Variants in ARSG observed in about 807,000 individuals in gnomAD.
The protein encoded by ARSG is ASG.
In ARSG, 37 loss-of-function variants were observed where a neutral mutation model predicts 50.5. The ratio of observed to expected loss-of-function variants is 0.73; its 90% confidence interval spans 0.56 to 0.96. ARSG has a LOEUF of 0.96. ARSG is among the 50% of genes least tolerant of loss of function. The pLI is 0.00. For missense variants in ARSG, 629 were observed against 675.3 expected (o/e 0.93, Z 0.76); for synonymous variants, 225 against 254.6 (o/e 0.88, Z 1.11).
At chr17:68,305,799 T>C (rs1451012604) in intron 1 of ARSG, among the ~76,000 whole-genome samples, 2 of 151,930 alleles carry the variant, frequency 1.3e-5, no homozygotes, top group Admixed American at 6.6e-5. Context: ...TGGGCCTGGG[T>C]GTGGTGGCTC....
intron 11 of ARSG, chr17:68,414,171 T>C (rs969538240): frequency 6.6e-6 from 1 of 152,418 alleles, no homozygotes. Context: ...AGATGGCTTT[T>C]ATTACATTGA....
At chr17:68,310,150 G>A (rs148364652) in intron 2 of ARSG, among the ~76,000 whole-genome samples, 60 of 152,012 alleles carry the variant, frequency 3.9e-4, no homozygotes, top group Admixed American at 2.7e-3. Context: ...CCCAGAGATC[G>A]GGTTTCTCCA....
chr17:68,395,055 G>A lies in ARSG; in HGVS notation c.1092-18G>A, dbSNP rs750269249. 11 of 1,613,290 alleles carry A rather than the reference G, an allele frequency of 6.8e-6. No homozygotes were observed. In the Admixed American group the frequency reaches 1.3e-4, roughly 20 times the overall value. On this transcript the variant is annotated intron_variant, in intron 9 of 11. Coordinates refer to ENST00000621439, the MANE Select transcript of ARSG (RefSeq NM_001267727.2). ...AGTCAGAAGAGCTGGGGACAACTCA[G>A]TCTTGTTATTTCCGCAGCGTGCTGG...
At chr17:68,328,000 C>A (rs1426007978) in intron 2 of ARSG, among the ~76,000 whole-genome samples, 1 of 152,084 alleles carries the variant, frequency 6.6e-6, no homozygotes, top group Non-Finnish European at 1.5e-5. Flanking sequence ...GCCTCAGTGC[C>A]ACTGCTTGAC....
chr17:68,288,838 C>G (rs1568421273), upstream of ARSG, among the ~76,000 whole-genome samples: 1 of 152,146 alleles, frequency 6.6e-6, no homozygotes, highest in Non-Finnish European at 1.5e-5. Flanking sequence ...CCACAGAATC[C>G]TGAACTTCTA....
chr17:68,398,995 TAAC>T (rs368078743), intron 10 of ARSG, among the ~76,000 whole-genome samples: 1 of 152,118 alleles, frequency 6.6e-6, no homozygotes, highest in African/African-American at 2.4e-5. Context: ...CTGAAGGTGG[TAAC>T]ATCATCACTG....
At chr17:68,308,348 A>C (rs2076690401) in intron 2 of ARSG, among the ~76,000 whole-genome samples, 1 of 151,586 alleles carries the variant, frequency 6.6e-6, no homozygotes, top group Non-Finnish European at 1.5e-5. Flanking sequence ...ATGTGTTCGG[A>C]GTTTCTTCCT....
At chr17:68,319,630 T>G (rs2077201162) in intron 2 of ARSG, among the ~76,000 whole-genome samples, 1 of 152,218 alleles carries the variant, frequency 6.6e-6, no homozygotes. Context: ...TAATAGTTCC[T>G]CTTTTAAGCC....
intron 2 of ARSG, among the ~76,000 whole-genome samples, chr17:68,316,324 C>T: frequency 6.6e-6 from 1 of 152,222 alleles, no homozygotes; most frequent in Non-Finnish European, 1.5e-5. Context: ...GTTCTGTTTC[C>T]ATGACCTGTA....
At chr17:68,426,260 A>T, downstream of ARSG, 1 of 1,030,856 alleles carries the variant, frequency 9.7e-7, no homozygotes, top group Non-Finnish European at 1.5e-6. Context: ...GGGGGCTCAA[A>T]TAAAGGGCAA....
intron 7 of ARSG, 138 bp downstream of exon 7, chr17:68,368,882 G>A (rs952108219): frequency 2.0e-6 from 2 of 996,316 alleles, no homozygotes; most frequent in South Asian, 3.2e-5. Context: ...CCCAGATAAG[G>A]CTTGCTGGCC....
chr17:68,327,303 A>G (rs1198470302), intron 2 of ARSG, among the ~76,000 whole-genome samples: 1 of 152,186 alleles, frequency 6.6e-6, no homozygotes, highest in Non-Finnish European at 1.5e-5. Context: ...GCTGTAACAC[A>G]GTACCACAAA....
chr17:68,322,955 C>A (rs1555771115), intron 2 of ARSG, among the ~76,000 whole-genome samples: 1 of 152,014 alleles, frequency 6.6e-6, no homozygotes, highest in Non-Finnish European at 1.5e-5. Flanking sequence ...TGTATTCTCA[C>A]AAGGAGAATA....
At chr17:68,401,143 C>A in intron 10 of ARSG, 1 of 522,470 alleles carries the variant, frequency 1.9e-6, no homozygotes, top group African/African-American at 1.9e-5. Flanking sequence ...CTCACCTCAG[C>A]TTCCAAGTAG....
At chr17:68,268,168 T>A (rs1599479756) in intron 1 of ARSG, 1 of 152,440 alleles carries the variant, frequency 6.6e-6, no homozygotes, top group Admixed American at 6.5e-5. Flanking sequence ...TGTGAGGCAT[T>A]TAAAGGATTG....
intron 9 of ARSG, among the ~76,000 whole-genome samples, 171 bp downstream of exon 9, chr17:68,385,343 ACT>A (rs1182977507): frequency 4.6e-5 from 7 of 151,478 alleles, no homozygotes; most frequent in African/African-American, 1.5e-4. Flanking sequence ...CACTTCCAAG[ACT>A]CTGACTGTAG....
At position 68,374,026 on chromosome 17, in the gene ARSG, G is replaced by T. The variant is rs528920265; in HGVS notation, c.982+3502G>T. ...CAAAAAATTAGCCGGGCATGGTGGCGGGCACCTGTAGTCCCAGCTACTCGG... is the reference window on the plus strand; with the variant it reads ...CAAAAAATTAGCCGGGCATGGTGGCTGGCACCTGTAGTCCCAGCTACTCGG... On this transcript the variant is annotated intron_variant, in intron 8 of 11. Coordinates refer to ENST00000621439, the MANE Select transcript of ARSG (RefSeq NM_001267727.2). Among the ~76,000 whole-genome samples the T allele has an allele frequency of 4.9e-4, 75 of 151,812 alleles. 1 individual carries two copies. Among genetic ancestry groups the T allele is most frequent in the African/African-American group, 1.7e-3 (72 of 41,426 alleles).
At chr17:68,277,442 T>C (rs868917802) in intron 1 of ARSG, among the ~76,000 whole-genome samples, 21 of 151,956 alleles carry the variant, frequency 1.4e-4, no homozygotes, top group African/African-American at 5.1e-4. Flanking sequence ...AACTTTTTTC[T>C]TTTTTGAGAT....
chr17:68,430,180 C>T, the ARSG span: 299 of 1,602,758 alleles, frequency 1.9e-4, 1 homozygote, highest in South Asian at 3.1e-3. Context: ...AATGCACAGG[C>T]AACGATGGGA....
Sources: gnomAD v4.1 joint callset for allele counts (sites outside exome capture counted in the v4.1 genomes callset) on GRCh38, gnomAD v4.1.1 for gene constraint, MANE v1.5 for transcripts, NCBI Gene and HGNC (gene_info 2026-07-23, HGNC 2026-07-21) for gene names.